The following SCRG1 variants were observed in gnomAD, a reference collection of about 807,000 sequenced individuals.
SCRG1 encodes the protein scrapie-responsive protein 1.
Under a neutral mutation model 7.7 loss-of-function variants are expected in SCRG1, and 3 were observed. The observed-to-expected ratio is 0.39, with a 90% CI of 0.18 to 1.01. SCRG1 has a LOEUF of 1.01. Among genes scored for constraint, SCRG1 ranks in the 50% least tolerant of loss-of-function variants. SCRG1 has a pLI of 0.36. For missense variants in SCRG1, 110 were observed against 117.2 expected, an observed-to-expected ratio of 0.94 and a Z score of 0.28; for synonymous variants, 46 against 41.2, an observed-to-expected ratio of 1.12 and a Z score of -0.44.
At chr4:173,496,211 A>T in the SCRG1 span, among the ~76,000 whole-genome samples, 1 of 152,194 alleles carries the variant, frequency 6.6e-6, no homozygotes, top group East Asian at 1.9e-4. Flanking sequence ...TTTGCATTAA[A>T]GATCGGTCCA....
At chr4:173,401,464 C>T (rs1315565449), upstream of SCRG1, among the ~76,000 whole-genome samples, 1 of 152,184 alleles carries the variant, frequency 6.6e-6, no homozygotes, top group Non-Finnish European at 1.5e-5. Context: ...TCAACATTCC[C>T]TGTAGATGGA....
the SCRG1 span, among the ~76,000 whole-genome samples, chr4:173,455,786 T>C: frequency 6.7e-6 from 1 of 149,496 alleles, no homozygotes; most frequent in African/African-American, 2.5e-5. Flanking sequence ...TATATATTTT[T>C]CAAGTGTACA....
the SCRG1 span, among the ~76,000 whole-genome samples, chr4:173,475,805 T>C: frequency 2.0e-5 from 3 of 152,154 alleles, no homozygotes; most frequent in African/African-American, 7.2e-5. Context: ...AAGATAAATT[T>C]TGAAGATAGT....
the SCRG1 span, among the ~76,000 whole-genome samples, chr4:173,448,825 T>C: frequency 3.9e-5 from 6 of 152,220 alleles, no homozygotes; most frequent in African/African-American, 1.4e-4. Context: ...TGGCAGATAG[T>C]ATTAAACCAT....
the SCRG1 span, among the ~76,000 whole-genome samples, chr4:173,441,561 G>C: frequency 6.6e-6 from 1 of 152,142 alleles, no homozygotes; most frequent in Non-Finnish European, 1.5e-5. Context: ...AAAGTATAAA[G>C]GATCACTGTA....
chr4:173,461,767 G>T, the SCRG1 span, among the ~76,000 whole-genome samples: 1 of 152,104 alleles, frequency 6.6e-6, no homozygotes, highest in Admixed American at 6.5e-5. Context: ...TGACCTTTCA[G>T]ACAGAGAATT....
intron 1 of SCRG1, among the ~76,000 whole-genome samples, chr4:173,392,221 T>C (rs1443637613): frequency 6.6e-6 from 1 of 152,230 alleles, no homozygotes; most frequent in Non-Finnish European, 1.5e-5. Flanking sequence ...ATTTATAGTT[T>C]GATTGTTTTT....
chr4:173,509,078 C>T, the SCRG1 span, among the ~76,000 whole-genome samples: 4,104 of 152,186 alleles, frequency 0.027, 91 homozygotes, highest in Non-Finnish European at 0.044. The surrounding 1 kb of genome is among the most constrained non-coding windows in gnomAD (Gnocchi z 5.7). Context: ...ACACACCCCA[C>T]TGCATATTAT....
the SCRG1 span, among the ~76,000 whole-genome samples, chr4:173,441,359 C>G: frequency 6.6e-6 from 1 of 152,136 alleles, no homozygotes; most frequent in Non-Finnish European, 1.5e-5. Flanking sequence ...CTAATCCAGG[C>G]GATCCTACTG....
At chr4:173,477,786 C>T in the SCRG1 span, among the ~76,000 whole-genome samples, 8 of 138,418 alleles carry the variant, frequency 5.8e-5, no homozygotes, top group African/African-American at 1.6e-4. Context: ...TTCCTTCCTT[C>T]GAGACAGGAT....
At chr4:173,451,670 AT>A in the SCRG1 span, among the ~76,000 whole-genome samples, 1 of 141,746 alleles carries the variant, frequency 7.1e-6, no homozygotes, top group Non-Finnish European at 1.5e-5. Context: ...TTATTTATTT[AT>A]TTATTTATTT....
At chr4:173,424,802 G>T in the SCRG1 span, among the ~76,000 whole-genome samples, 1,932 of 151,784 alleles carry the variant, frequency 0.013, 40 homozygotes, top group African/African-American at 0.043. Context: ...CCAGCTACTC[G>T]GGAGGCTGAG....
the SCRG1 span, among the ~76,000 whole-genome samples, chr4:173,459,781 G>A: frequency 1.3e-5 from 2 of 152,134 alleles, no homozygotes; most frequent in African/African-American, 4.8e-5. Flanking sequence ...AAAGAGGTTG[G>A]TTAATGGGTA....
chr4:173,395,909 A>G (rs1008837699), intron 1 of SCRG1, among the ~76,000 whole-genome samples: 1 of 152,244 alleles, frequency 6.6e-6, no homozygotes, highest in African/African-American at 2.4e-5. Flanking sequence ...GATATGATAA[A>G]GAGTTTAGAT....
the SCRG1 span, among the ~76,000 whole-genome samples, chr4:173,412,087 G>C: frequency 6.6e-6 from 1 of 152,184 alleles, no homozygotes; most frequent in Non-Finnish European, 1.5e-5. Context: ...GTCTGTCTCA[G>C]CTTCCACCTT....
the SCRG1 span, among the ~76,000 whole-genome samples, chr4:173,485,681 A>G: frequency 6.6e-6 from 1 of 152,160 alleles, no homozygotes; most frequent in African/African-American, 2.4e-5. Flanking sequence ...AGATTGTTAA[A>G]AATTGTGGCT....
At chr4:173,422,972 G>A in the SCRG1 span, among the ~76,000 whole-genome samples, 1 of 152,114 alleles carries the variant, frequency 6.6e-6, no homozygotes, top group Non-Finnish European at 1.5e-5. Flanking sequence ...ATAAAAAGCA[G>A]TCTCCAAGGA....
chr4:173,517,692 T>C, the SCRG1 span, among the ~76,000 whole-genome samples: 7 of 152,186 alleles, frequency 4.6e-5, no homozygotes, highest in Admixed American at 2.6e-4. Context: ...TGGAGGGGGC[T>C]TATTGGAAAG....
chr4:173,386,430 G>C lies in SCRG1; in HGVS notation c.*1911C>G, dbSNP rs1255394546. On this transcript the variant is annotated 3_prime_UTR_variant, in exon 3 of 3. Coordinates refer to ENST00000296506, the MANE Select transcript of SCRG1 (RefSeq NM_007281.4). ...CCCAAAGTGCTGGGATTACAGGCGT[G>C]AGCCACCGCACCCAGCCGTGTTTAT... is the stretch of plus-strand genomic sequence containing the variant. 4 of 151,878 alleles carry C rather than the reference G, an allele frequency of 2.6e-5. No individual in the cohort carries two copies. The highest frequency in any genetic ancestry group is 9.7e-5 in the African/African-American group (4 of 41,212). 9.4% of individuals were successfully genotyped at this position (151,878 alleles called of 1,614,324 possible).
Sources: allele counts gnomAD v4.1 joint callset (sites outside exome capture counted in the v4.1 genomes callset), GRCh38; gene constraint gnomAD v4.1.1; non-coding constraint Gnocchi (gnomAD v3.1); transcripts MANE v1.5; gene names NCBI Gene and HGNC (gene_info 2026-07-23, HGNC 2026-07-21).